Variants in KCNIP4 observed in about 807,000 individuals in gnomAD.
The protein encoded by KCNIP4 is Kv channel-interacting protein 4.
In KCNIP4, 12 loss-of-function variants were observed where a neutral mutation model predicts 34.0. The observed-to-expected ratio is 0.35, with a 90% CI of 0.23 to 0.57. The LOEUF (loss-of-function observed/expected upper bound fraction) is 0.57. Ranked by LOEUF, KCNIP4 falls within the 20% of genes least tolerant of loss-of-function variation. The pLI is 0.83. For missense variants in KCNIP4, 238 were observed against 311.7 expected (o/e 0.76, Z 1.78); for synonymous variants, 124 against 102.2 (o/e 1.21, Z -1.29).
intron 1 of KCNIP4, among the ~76,000 whole-genome samples, chr4:20,931,785 G>A (rs1473862586): frequency 6.6e-6 from 1 of 151,904 alleles, no homozygotes; most frequent in East Asian, 1.9e-4. Context: ...TGGTGGGTGG[G>A]GGAAAAAATG....
chr4:21,266,836 T>C (rs1761842363), intron 1 of KCNIP4, among the ~76,000 whole-genome samples: 1 of 152,140 alleles, frequency 6.6e-6, no homozygotes, highest in Non-Finnish European at 1.5e-5. Context: ...GGGAGAGTGA[T>C]GCAATCATAA....
intron 3 of KCNIP4, among the ~76,000 whole-genome samples, chr4:20,759,287 T>A (rs1166558218): frequency 2.0e-5 from 3 of 152,208 alleles, no homozygotes. Flanking sequence ...TGAACTCACA[T>A]AATCTTCGAT....
Position 21,795,158 on chromosome 4 carries a change from A to G in KCNIP4, c.61+153413T>C, listed in dbSNP as rs1327316786. 2.0e-5 allele frequency among the ~76,000 whole-genome samples: 3 copies of G among 152,264 alleles called. No individual in the cohort carries two copies. The East Asian group carries it at 5.8e-4, about 30-fold the overall frequency. On this transcript the variant is annotated intron_variant, in intron 1 of 8. Transcript: ENST00000382152. ...TTAAAATGAGGCCACCGGGGTGAGCACTGATCCAGTCTGACTGGTGTCCTT... is the reference window on the plus strand; with the variant it reads ...TTAAAATGAGGCCACCGGGGTGAGCGCTGATCCAGTCTGACTGGTGTCCTT...
intron 4 of KCNIP4, among the ~76,000 whole-genome samples, chr4:20,750,843 G>A (rs1412738844): frequency 6.6e-6 from 1 of 152,030 alleles, no homozygotes; most frequent in Non-Finnish European, 1.5e-5. Context: ...TTTATCTTCT[G>A]TTTTAAATCT....
At chr4:21,059,790 T>C (rs1489946321) in intron 1 of KCNIP4, among the ~76,000 whole-genome samples, 1 of 152,148 alleles carries the variant, frequency 6.6e-6, no homozygotes, top group African/African-American at 2.4e-5. Flanking sequence ...TCTCTTTTCA[T>C]TTCATTCATT....
chr4:21,859,112 T>C (rs1306304748), intron 1 of KCNIP4, among the ~76,000 whole-genome samples: 1 of 151,830 alleles, frequency 6.6e-6, no homozygotes, highest in Non-Finnish European at 1.5e-5. Flanking sequence ...CCAAAAAGAG[T>C]AACTGTGAGT....
chr4:20,991,445 G>A (rs781317714), intron 1 of KCNIP4, among the ~76,000 whole-genome samples: 73 of 152,220 alleles, frequency 4.8e-4, no homozygotes, highest in Middle Eastern at 3.4e-3. Context: ...AAAAGGGAAA[G>A]CGAGAAATGA....
chr4:20,829,433 T>A (rs560012992), intron 3 of KCNIP4, among the ~76,000 whole-genome samples: 84 of 152,212 alleles, frequency 5.5e-4, no homozygotes, highest in African/African-American at 1.9e-3. Flanking sequence ...GGTCTCAATC[T>A]TCTGACCTTG....
intron 1 of KCNIP4, among the ~76,000 whole-genome samples, chr4:21,920,222 C>T (rs2108994307): frequency 6.6e-6 from 1 of 152,232 alleles, no homozygotes; most frequent in Admixed American, 6.5e-5. Context: ...TTACTAAATA[C>T]AACTGAGTAC....
chr4:20,960,793 A>T (rs959969201), intron 1 of KCNIP4, among the ~76,000 whole-genome samples: 1 of 152,200 alleles, frequency 6.6e-6, no homozygotes, highest in African/African-American at 2.4e-5. Context: ...AAATCAGTCT[A>T]TTAGAAGGTA....
At chr4:20,749,876 T>C (rs1053884032) in intron 4 of KCNIP4, 144 bp from the exon 5 acceptor site, 1 of 540,916 alleles carries the variant, frequency 1.8e-6, no homozygotes, top group African/African-American at 1.9e-5. Flanking sequence ...GCTTACCCTC[T>C]TTCTGTAGAG....
At chr4:20,847,725 T>A (rs7660727) in intron 3 of KCNIP4, among the ~76,000 whole-genome samples, 58,887 of 151,622 alleles carry the variant, frequency 0.39, 11,923 homozygotes, top group Non-Finnish European at 0.46. Flanking sequence ...TGGGAAAAAA[T>A]TGGTGGAGTT....
At chr4:20,880,162 A>G (rs1015691958) in intron 2 of KCNIP4, among the ~76,000 whole-genome samples, 4 of 152,196 alleles carry the variant, frequency 2.6e-5, no homozygotes, top group African/African-American at 9.7e-5. Context: ...CATTGATGGG[A>G]AAAAAGATAT....
intron 1 of KCNIP4, among the ~76,000 whole-genome samples, chr4:21,418,948 A>C (rs920761689): frequency 2.0e-5 from 3 of 152,194 alleles, no homozygotes; most frequent in African/African-American, 7.2e-5. Flanking sequence ...TGGAGATAAG[A>C]AGTAATGAAA....
chr4:21,230,827 G>C (rs988311514), intron 1 of KCNIP4, among the ~76,000 whole-genome samples: 7 of 152,100 alleles, frequency 4.6e-5, no homozygotes, highest in African/African-American at 1.7e-4. Context: ...TGAACATACA[G>C]GTGAATGTAT....
At chr4:20,932,708 G>T (rs532365056) in intron 1 of KCNIP4, among the ~76,000 whole-genome samples, 2 of 152,010 alleles carry the variant, frequency 1.3e-5, no homozygotes, top group Non-Finnish European at 2.9e-5. Context: ...AAGTGTACTT[G>T]TCAAAATATG....
intron 5 of KCNIP4, 60 bp from the exon 6 acceptor site, chr4:20,734,795 A>T: frequency 9.7e-7 from 1 of 1,029,682 alleles, no homozygotes; most frequent in Non-Finnish European, 1.4e-6. Context: ...AAACAAAAAA[A>T]ACAAATGATG....
chr4:20,951,521 C>T (rs925166078), intron 1 of KCNIP4, among the ~76,000 whole-genome samples: 9 of 152,184 alleles, frequency 5.9e-5, no homozygotes, highest in African/African-American at 9.7e-5. Context: ...GAACCAGCAG[C>T]TTCTGGTCAT....
chr4:21,890,039 C>T (rs529923123), intron 1 of KCNIP4, among the ~76,000 whole-genome samples: 44 of 152,172 alleles, frequency 2.9e-4, no homozygotes, highest in African/African-American at 9.9e-4. Context: ...TTGCTGGTCA[C>T]ATTGATAGAG....
Sources: gnomAD v4.1 joint callset for allele counts (sites outside exome capture counted in the v4.1 genomes callset) on GRCh38, gnomAD v4.1.1 for gene constraint, MANE v1.5 for transcripts, NCBI Gene and HGNC (gene_info 2026-07-23, HGNC 2026-07-21) for gene names.